Variants in RPS6KC1 observed in about 807,000 individuals in gnomAD.
The protein encoded by RPS6KC1 is ribosomal protein S6 kinase C1, also known as inactive ribosomal protein S6 kinase delta-1.
In RPS6KC1, 54 loss-of-function variants were observed where a neutral mutation model predicts 103.8. The observed-to-expected ratio is 0.52, with a 90% confidence interval of 0.42 to 0.65. RPS6KC1 has a LOEUF of 0.65. Among genes scored for constraint, RPS6KC1 ranks in the 30% least tolerant of loss-of-function variants. RPS6KC1 has a pLI of 0.00. For missense variants in RPS6KC1, 1,151 were observed against 1,253.8 expected (o/e 0.92, Z 1.24); for synonymous variants, 439 against 438.7 (o/e 1.00, Z -0.01).
chr1:213,095,118 T>G (rs2081331128), intron 3 of RPS6KC1, among the ~76,000 whole-genome samples: 1 of 152,188 alleles, frequency 6.6e-6, no homozygotes, highest in African/African-American at 2.4e-5. Context: ...GATACCCTCT[T>G]GGTGAAATGC....
At chr1:213,704,881 T>A in the RPS6KC1 span, among the ~76,000 whole-genome samples, 1 of 152,278 alleles carries the variant, frequency 6.6e-6, no homozygotes, top group Non-Finnish European at 1.5e-5. Flanking sequence ...GTAGAGATAC[T>A]GTCTTAATGG....
the RPS6KC1 span, among the ~76,000 whole-genome samples, chr1:213,291,621 G>A: frequency 2.4e-4 from 36 of 152,326 alleles, no homozygotes; most frequent in East Asian, 5.0e-3. Flanking sequence ...GAAAATTGGA[G>A]CCCAGAGAGA....
chr1:213,418,942 G>C, the RPS6KC1 span, among the ~76,000 whole-genome samples: 1 of 152,258 alleles, frequency 6.6e-6, no homozygotes, highest in Admixed American at 6.5e-5. Context: ...GCTCCCTCTG[G>C]ATGCTGCTCT....
At chr1:213,816,241 A>G in the RPS6KC1 span, among the ~76,000 whole-genome samples, 1 of 152,230 alleles carries the variant, frequency 6.6e-6, no homozygotes, top group South Asian at 2.1e-4. Context: ...AGAGACACAG[A>G]GTGAGCATGT....
chr1:213,139,442 C>G (rs2086763902), intron 6 of RPS6KC1, among the ~76,000 whole-genome samples: 1 of 151,876 alleles, frequency 6.6e-6, no homozygotes, highest in Non-Finnish European at 1.5e-5. Context: ...ATGGTATTTC[C>G]TAGGTTTTCT....
chr1:213,497,474 A>G, the RPS6KC1 span, among the ~76,000 whole-genome samples: 3 of 152,310 alleles, frequency 2.0e-5, no homozygotes, highest in East Asian at 5.8e-4. Context: ...GTCTCCCTTA[A>G]TAGCTTCTAA....
chr1:213,362,681 G>A, the RPS6KC1 span, among the ~76,000 whole-genome samples: 1 of 152,192 alleles, frequency 6.6e-6, no homozygotes, highest in Non-Finnish European at 1.5e-5. Flanking sequence ...ACTTGGCTGA[G>A]CCACAGTGTC....
At chr1:213,086,535 C>T (rs544792592) in intron 3 of RPS6KC1, among the ~76,000 whole-genome samples, 1 of 152,314 alleles carries the variant, frequency 6.6e-6, no homozygotes, top group African/African-American at 2.4e-5. Context: ...CCTCCTCAAT[C>T]TAGGCATTCC....
At chr1:213,624,915 G>A in the RPS6KC1 span, among the ~76,000 whole-genome samples, 367 of 152,200 alleles carry the variant, frequency 2.4e-3, 1 homozygote, top group African/African-American at 8.4e-3. Context: ...TTTGAGGGGC[G>A]ACATAAACAT....
At chr1:213,288,303 T>C in the RPS6KC1 span, among the ~76,000 whole-genome samples, 9 of 152,152 alleles carry the variant, frequency 5.9e-5, no homozygotes, top group African/African-American at 2.2e-4. Context: ...TCGACCCTAG[T>C]GATTAGTGGC....
intron 6 of RPS6KC1, among the ~76,000 whole-genome samples, chr1:213,163,520 T>C (rs2090672898): frequency 6.6e-6 from 1 of 152,232 alleles, no homozygotes; most frequent in Non-Finnish European, 1.5e-5. Flanking sequence ...TAAATTGGCT[T>C]GTTCTTCCTC....
the RPS6KC1 span, among the ~76,000 whole-genome samples, chr1:213,523,667 G>C: frequency 1.3e-5 from 2 of 152,214 alleles, no homozygotes; most frequent in Middle Eastern, 3.4e-3. Context: ...TTTATTATTG[G>C]TTTCAAAGTT....
At chr1:213,825,679 C>T in the RPS6KC1 span, among the ~76,000 whole-genome samples, 3 of 152,120 alleles carry the variant, frequency 2.0e-5, no homozygotes, top group Admixed American at 6.5e-5. Context: ...CAGTGAACTT[C>T]GAGATTTTCA....
the RPS6KC1 span, among the ~76,000 whole-genome samples, chr1:213,619,102 C>G: frequency 6.6e-6 from 1 of 152,184 alleles, no homozygotes; most frequent in Non-Finnish European, 1.5e-5. Flanking sequence ...TAGAAAGAAG[C>G]TCTAATTTAG....
At chr1:213,559,110 A>G in the RPS6KC1 span, among the ~76,000 whole-genome samples, 16 of 152,288 alleles carry the variant, frequency 1.1e-4, no homozygotes, top group African/African-American at 3.9e-4. Context: ...AAAACCATCA[A>G]ATTGAAATCT....
At chr1:213,169,538 C>G (rs1311726781) in intron 7 of RPS6KC1, among the ~76,000 whole-genome samples, 1 of 151,906 alleles carries the variant, frequency 6.6e-6, no homozygotes, top group African/African-American at 2.4e-5. Context: ...ATTTCCTTTA[C>G]TTTTTCACCA....
the RPS6KC1 span, among the ~76,000 whole-genome samples, chr1:213,697,602 C>T: frequency 6.6e-6 from 1 of 152,168 alleles, no homozygotes; most frequent in East Asian, 1.9e-4. Flanking sequence ...GGTGTGAAGC[C>T]TTACCAGAGT....
At chr1:213,706,391 C>T in the RPS6KC1 span, among the ~76,000 whole-genome samples, 1 of 152,096 alleles carries the variant, frequency 6.6e-6, no homozygotes, top group Non-Finnish European at 1.5e-5. Context: ...CAGTGCCTCA[C>T]AATTGCTGCA....
the RPS6KC1 span, among the ~76,000 whole-genome samples, chr1:213,657,157 T>TG: frequency 2.0e-5 from 3 of 151,360 alleles, no homozygotes; most frequent in Non-Finnish European, 4.4e-5. Flanking sequence ...GATGAACAAG[T>TG]GAAAAAAAAG....
Sources: gnomAD v4.1 joint callset for allele counts (sites outside exome capture counted in the v4.1 genomes callset) on GRCh38, gnomAD v4.1.1 for gene constraint, MANE v1.5 for transcripts, NCBI Gene and HGNC (gene_info 2026-07-23, HGNC 2026-07-21) for gene names.